Variants in MOB3B observed in about 807,000 individuals in gnomAD.
The protein encoded by MOB3B is MOB kinase activator 3B.
In MOB3B, 7 loss-of-function variants were observed where a neutral mutation model predicts 18.7. The ratio of observed to expected loss-of-function variants is 0.37; its 90% CI spans 0.21 to 0.70. The LOEUF is 0.70. MOB3B is among the 30% of genes least tolerant of loss of function. MOB3B has a pLI of 0.52. For synonymous variants in MOB3B, 111 were observed against 99.9 expected (o/e 1.11, Z -0.66); for missense variants, 253 against 281.3 (o/e 0.90, Z 0.72).
intron 3 of MOB3B, among the ~76,000 whole-genome samples, chr9:27,348,846 A>G (rs1821067685): frequency 6.6e-6 from 1 of 152,224 alleles, no homozygotes; most frequent in African/African-American, 2.4e-5. Context: ...TTCTGGGAGT[A>G]GCCAGCAGAA....
At chr9:27,454,248 A>G (rs1409275588) in intron 2 of MOB3B, among the ~76,000 whole-genome samples, 2 of 152,138 alleles carry the variant, frequency 1.3e-5, no homozygotes, top group African/African-American at 4.8e-5. Flanking sequence ...CGTTTTTTGT[A>G]CTCCAACCAT....
Position 27,400,520 on chromosome 9 carries a change from C to A in MOB3B, c.419-41284G>T, listed in dbSNP as rs186727248. ...CAGCTCAAAAATCACCTAGGTAAAG[C>A]CTTCCCTAATGTCCTCAGGTGAAAT... On this transcript the variant is annotated intron_variant, in intron 2 of 3. Transcript: ENST00000262244. Among the ~76,000 whole-genome samples, 5 of 152,344 alleles carry A rather than the reference C, an allele frequency of 3.3e-5. No individual in the cohort carries two copies. In the East Asian group the frequency reaches 9.6e-4, roughly 29 times the overall value.
intron 2 of MOB3B, among the ~76,000 whole-genome samples, chr9:27,374,916 C>A (rs1304869689): frequency 1.3e-5 from 2 of 152,184 alleles, no homozygotes; most frequent in East Asian, 3.9e-4. Flanking sequence ...GGAAAAGTTA[C>A]CTGTGATTGC....
At chr9:27,369,936 CTTTTTTT>C (rs59186320) in intron 2 of MOB3B, among the ~76,000 whole-genome samples, 13 of 125,938 alleles carry the variant, frequency 1.0e-4, no homozygotes, top group Non-Finnish European at 1.2e-4. Flanking sequence ...TTTAATTGTC[CTTTTTTT>C]TTTTTTTTTT....
chr9:27,484,853 G>C (rs1328890608), intron 1 of MOB3B, among the ~76,000 whole-genome samples: 2 of 152,152 alleles, frequency 1.3e-5, no homozygotes, highest in African/African-American at 4.8e-5. Context: ...GTACCAGCTA[G>C]TAAACTACAT....
intron 2 of MOB3B, 113 bp from the exon 3 acceptor site, chr9:27,359,349 T>G: frequency 1.8e-6 from 1 of 558,504 alleles, no homozygotes; most frequent in African/African-American, 1.9e-5. Context: ...CTGGCACCCG[T>G]CACAGGAGTC....
intron 2 of MOB3B, among the ~76,000 whole-genome samples, chr9:27,407,646 C>T (rs1822002648): frequency 6.6e-6 from 1 of 152,104 alleles, no homozygotes; most frequent in South Asian, 2.1e-4. Flanking sequence ...GCCAGCTTCC[C>T]CACCCATGCA....
chr9:27,333,886 A>C (rs2131331627), intron 3 of MOB3B, among the ~76,000 whole-genome samples: 1 of 152,168 alleles, frequency 6.6e-6, no homozygotes, highest in Admixed American at 6.6e-5. Context: ...CCCACTCACC[A>C]CACCAGCCAG....
At chr9:27,442,006 G>A (rs530459859) in intron 2 of MOB3B, among the ~76,000 whole-genome samples, 2 of 152,120 alleles carry the variant, frequency 1.3e-5, no homozygotes, top group Non-Finnish European at 2.9e-5. Flanking sequence ...TGTTAAACCA[G>A]ACGTTAAAGA....
chr9:27,380,262 A>ATTT (rs551179750), intron 2 of MOB3B, among the ~76,000 whole-genome samples: 3 of 135,440 alleles, frequency 2.2e-5, no homozygotes, highest in African/African-American at 2.7e-5. Flanking sequence ...AAGAGATAGG[A>ATTT]TTTTTTTTTT....
At chr9:27,503,480 A>G (rs1820017571) in intron 1 of MOB3B, among the ~76,000 whole-genome samples, 1 of 152,186 alleles carries the variant, frequency 6.6e-6, no homozygotes, top group East Asian at 1.9e-4. Context: ...TGGGAAGGAG[A>G]GGTGGCCACT....
intron 1 of MOB3B, among the ~76,000 whole-genome samples, chr9:27,513,515 A>AGTCC (rs1359286908): frequency 1.3e-5 from 2 of 152,206 alleles, no homozygotes; most frequent in African/African-American, 4.8e-5. Context: ...GTGCCCTGCC[A>AGTCC]GTCCCAACCT....
At chr9:27,400,896 CA>C (rs1308120877) in intron 2 of MOB3B, among the ~76,000 whole-genome samples, 4 of 152,162 alleles carry the variant, frequency 2.6e-5, no homozygotes, top group African/African-American at 9.7e-5. Context: ...GTGGAGAAGG[CA>C]AAAGTATCTG....
At position 27,410,727 on chromosome 9, in the gene MOB3B, T is replaced by A. The variant is rs192605622; in HGVS notation, c.418+44406A>T. Among the ~76,000 whole-genome samples the A allele has an allele frequency of 3.1e-4, 47 of 152,208 alleles. No homozygotes were observed. In the East Asian group the frequency reaches 6.2e-3, roughly 20 times the overall value. ...AGAATGGTCACCACACAGATCAGTG[T>A]TACTTTCTTTAAAATGAAAGTTATT... On this transcript the variant is annotated intron_variant, in intron 2 of 3. Coordinates refer to ENST00000262244, the MANE Select transcript of MOB3B (RefSeq NM_024761.5).
intron 2 of MOB3B, among the ~76,000 whole-genome samples, chr9:27,416,942 G>A (rs570158818): frequency 6.6e-6 from 1 of 152,314 alleles, no homozygotes; most frequent in South Asian, 2.1e-4. Context: ...ACCTGTTACC[G>A]TTAGTTACAT....
intron 2 of MOB3B, among the ~76,000 whole-genome samples, chr9:27,425,099 G>C (rs1468273476): frequency 6.6e-6 from 1 of 152,100 alleles, no homozygotes; most frequent in Non-Finnish European, 1.5e-5. Flanking sequence ...GGGGCATCCA[G>C]GCGCGGTGGC....
At chr9:27,357,973 G>A (rs1025402392) in intron 3 of MOB3B, among the ~76,000 whole-genome samples, 2 of 150,708 alleles carry the variant, frequency 1.3e-5, no homozygotes, top group Non-Finnish European at 2.9e-5. Flanking sequence ...GGTGGGAGGA[G>A]TGCTTGAACC....
At chr9:27,379,862 CTT>C (rs1185403340) in intron 2 of MOB3B, among the ~76,000 whole-genome samples, 24 of 152,248 alleles carry the variant, frequency 1.6e-4, no homozygotes, top group African/African-American at 5.1e-4. Context: ...AAAATGTAAA[CTT>C]TTCAATATAG....
At chr9:27,515,822 G>A (rs1163424522) in intron 1 of MOB3B, among the ~76,000 whole-genome samples, 1 of 152,112 alleles carries the variant, frequency 6.6e-6, no homozygotes, top group Non-Finnish European at 1.5e-5. Context: ...CCCCTGTCGT[G>A]GATTGAACTG....
Sources: allele counts gnomAD v4.1 joint callset (sites outside exome capture counted in the v4.1 genomes callset), GRCh38; gene constraint gnomAD v4.1.1; transcripts MANE v1.5; gene names NCBI Gene and HGNC (gene_info 2026-07-23, HGNC 2026-07-21).